Variants in USP9X observed in about 807,000 individuals in gnomAD.
USP9X encodes the protein ubiquitin carboxyl-terminal hydrolase 9X.
Under a neutral mutation model 190.3 loss-of-function variants are expected in USP9X, and 7 were observed. The observed-to-expected ratio is 0.04, with a 90% CI of 0.02 to 0.07. USP9X has a LOEUF of 0.07. Among genes scored for constraint, USP9X ranks in the 10% least tolerant of loss-of-function variants. USP9X has a pLI of 1.00. For synonymous variants in USP9X, 645 were observed against 659.5 expected (o/e 0.98, Z 0.34); for missense variants, 1,010 against 1,916.9 (o/e 0.53, Z 8.83).
At chrX:41,118,523 T>C (rs1343641251) in intron 1 of USP9X, among the ~76,000 whole-genome samples, 1 of 111,878 alleles carries the variant, frequency 8.9e-6, no homozygotes, top group African/African-American at 3.3e-5. Flanking sequence ...TGTTCGTCCT[T>C]GTATTGCTTC....
intron 39 of USP9X, among the ~76,000 whole-genome samples, chrX:41,223,769 ATATATAGTAC>A (rs979747607): frequency 8.9e-6 from 1 of 111,996 alleles, no homozygotes; most frequent in African/African-American, 3.2e-5. Flanking sequence ...GCTGCTGGGC[ATATATAGTAC>A]TAAGAGTCTG....
At chrX:41,200,835 C>T (rs1217421458) in intron 30 of USP9X, among the ~76,000 whole-genome samples, 1 of 111,998 alleles carries the variant, frequency 8.9e-6, no homozygotes, top group African/African-American at 3.2e-5. Context: ...TCATATGAAA[C>T]GGGTTTGCGG....
At chrX:41,110,036 ACT>A (rs1462191042) in intron 1 of USP9X, among the ~76,000 whole-genome samples, 2 of 110,328 alleles carry the variant, frequency 1.8e-5, no homozygotes, top group East Asian at 2.8e-4. Context: ...CATTTAACAC[ACT>A]CTGTCAGAGG....
chrX:41,134,767 A>G lies in USP9X; in HGVS notation c.365A>G (p.Asp122Gly). The G allele has an allele frequency of 4.1e-6, 5 of 1,210,648 alleles. No individual in the cohort carries two copies. Among genetic ancestry groups the G allele is most frequent in the Non-Finnish European group, 5.6e-6 (5 of 894,941 alleles). ...GAAGCATGTCAGCGATTTTTCCGTG[A>G]TGGGCTAACAATATCATTCACTAAA... is the stretch of plus-strand genomic sequence containing the variant. ...KSEACQRFFR[D>G]GLTISFTKIL... Residue 122 changes from aspartate (D) to glycine (G), a missense_variant, in exon 5 of 45, where the codon GAT becomes GGT. Physicochemically the swap from Asp to Gly is moderately conservative, Grantham distance 94. Transcript: ENST00000378308.
intron 1 of USP9X, among the ~76,000 whole-genome samples, chrX:41,112,536 G>T (rs1483583381): frequency 8.9e-6 from 1 of 111,871 alleles, no homozygotes; most frequent in East Asian, 2.8e-4. Context: ...AGCACCTACT[G>T]TTGTGCTTGA....
Position 41,099,096 on chromosome X carries a change from G to GTT in USP9X, c.-159+13012_-159+13013dup, listed in dbSNP as rs34179321. On this transcript the variant is annotated intron_variant, in intron 1 of 44. Coordinates refer to ENST00000378308, the MANE Select transcript of USP9X (RefSeq NM_001039591.3). The stretch of plus-strand genomic sequence containing the variant: ...CACATGCCATAATGCCCAGATAATT[G>GTT]TTTTTTTTTTTTTTTTTTTTTTTTT... 0.011 allele frequency among the ~76,000 whole-genome samples: 482 copies of GTT among 44,255 alleles called. 78 individuals are homozygous for GTT. In the East Asian group the frequency reaches 0.18, roughly 17 times the overall value. 38.4% of individuals were successfully genotyped at this position (44,255 alleles called of 115,157 possible).
At chrX:41,112,683 C>T (rs1268589829) in intron 1 of USP9X, among the ~76,000 whole-genome samples, 1 of 111,881 alleles carries the variant, frequency 8.9e-6, no homozygotes, top group East Asian at 2.8e-4. Flanking sequence ...AATACTGAGA[C>T]CTGTTTCGCC....
intron 12 of USP9X, among the ~76,000 whole-genome samples, chrX:41,150,182 T>C (rs1444395704): frequency 1.8e-5 from 2 of 110,390 alleles, no homozygotes; most frequent in African/African-American, 6.6e-5. Context: ...TCCACAAAAT[T>C]GTTTTCCTTT....
At position 41,162,911 on chromosome X, in the gene USP9X, A is replaced by G. The variant is rs767283220; in HGVS notation, c.1985+34A>G. On this transcript the variant is annotated intron_variant, in intron 15 of 44. Transcript: ENST00000378308. Reference sequence around the variant, plus strand: ...TATACAGTTAGTGTTGCTCTCTTTAAGAAAAAGATAAGGAATACAGAATGA... The same window carrying G: ...TATACAGTTAGTGTTGCTCTCTTTAGGAAAAAGATAAGGAATACAGAATGA... 2.8e-5 allele frequency: 31 copies of G among 1,117,010 alleles called. No homozygotes were observed. The South Asian group carries it at 5.7e-4, about 21-fold the overall frequency. The allele number at this position is 1,117,010 out of a possible 1,213,427, so 92.1% of individuals were successfully genotyped here. A position where few individuals can be genotyped will look rare whatever the true frequency, so the allele number is the denominator to read the frequency against.
intron 44 of USP9X, among the ~76,000 whole-genome samples, chrX:41,231,131 A>C (rs761420821): frequency 1.8e-5 from 2 of 112,061 alleles, no homozygotes; most frequent in Non-Finnish European, 3.8e-5. Context: ...TCTTTCTGAA[A>C]CCAAAATGTG....
At chrX:41,192,892 A>G (rs751453471) in intron 26 of USP9X, among the ~76,000 whole-genome samples, 56 of 111,575 alleles carry the variant, frequency 5.0e-4, no homozygotes, top group African/African-American at 1.7e-3. Context: ...GGGGCTGTGT[A>G]GTACGGGGCA....
At chrX:41,101,726 A>G (rs1271220227) in intron 1 of USP9X, among the ~76,000 whole-genome samples, 4 of 112,767 alleles carry the variant, frequency 3.5e-5, no homozygotes, top group Non-Finnish European at 5.6e-5. Flanking sequence ...ACTTCTTCTC[A>G]GATCTTTCTT....
intron 21 of USP9X, among the ~76,000 whole-genome samples, chrX:41,182,494 GATAC>G (rs746971738): frequency 2.3e-4 from 25 of 109,694 alleles, no homozygotes; most frequent in African/African-American, 7.0e-4. Context: ...GATACTATGA[GATAC>G]AGTGGTTAAG....
chrX:41,159,858 A>G (rs1312474801), intron 14 of USP9X, among the ~76,000 whole-genome samples: 1 of 111,497 alleles, frequency 9.0e-6, no homozygotes, highest in Non-Finnish European at 1.9e-5. Flanking sequence ...CCTCAGACTT[A>G]AGCAGGGAGA....
chrX:41,189,495 G>A lies in USP9X; in HGVS notation c.3977+20G>A, dbSNP rs754275242. The A allele has an allele frequency of 1.7e-6, 2 of 1,158,910 alleles. No homozygotes were observed. Among genetic ancestry groups the A allele is most frequent in the African/African-American group, 3.6e-5 (2 of 55,519 alleles). On this transcript the variant is annotated intron_variant, in intron 26 of 44. Coordinates refer to ENST00000378308, the MANE Select transcript of USP9X (RefSeq NM_001039591.3). ...CAGCAAGTAAGTATCTTTTTTAATT[G>A]TAAGAAACTTACTTTTTGTAAATGG...
Position 41,134,799 on chromosome X carries a change from A to T in USP9X, c.397A>T (p.Thr133Ser). 1 of 1,210,631 alleles carries T rather than the reference A, an allele frequency of 8.3e-7. No homozygotes were observed. The highest frequency in any genetic ancestry group is 1.1e-6 in the Non-Finnish European group (1 of 894,747). Residue 133 changes from threonine to serine, a missense_variant, in exon 5 of 45, where the codon ACA becomes TCA. Around this residue, in one of 11 missense-constraint regions of USP9X, gnomAD observed 176 missense variants for 247.5 expected, o/e 0.71. Coordinates refer to ENST00000378308, the MANE Select transcript of USP9X (RefSeq NM_001039591.3). Reference sequence around the variant, plus strand: ...AACAATATCATTCACTAAAATTCTTACAGATGAAGCAGTGAGTGGCTGGAA... The same window carrying T: ...AACAATATCATTCACTAAAATTCTTTCAGATGAAGCAGTGAGTGGCTGGAA... ...GLTISFTKIL[T>S]DEAVSGWKFE...
chrX:41,220,159 C>T (rs73480468), intron 38 of USP9X, among the ~76,000 whole-genome samples: 1,574 of 111,311 alleles, frequency 0.014, 35 homozygotes, highest in African/African-American at 0.049. Context: ...TCTTCTTTTC[C>T]CTTGTCTTTT....
chrX:41,184,351 TA>T (rs775979043), intron 22 of USP9X, 45 bp from the exon 23 acceptor site: 1 of 1,151,708 alleles, frequency 8.7e-7, no homozygotes, highest in Admixed American at 2.8e-5. Context: ...ATTTTTTTTT[TA>T]AATCTTTTAA....
intron 30 of USP9X, among the ~76,000 whole-genome samples, chrX:41,199,029 C>G (rs1300345181): frequency 9.1e-6 from 1 of 110,202 alleles, no homozygotes; most frequent in African/African-American, 3.3e-5. Flanking sequence ...ACAAAAAATA[C>G]AAAAATTAGC....
Sources: gnomAD v4.1 joint callset for allele counts (sites outside exome capture counted in the v4.1 genomes callset) on GRCh38, gnomAD v4.1.1 for gene constraint, gnomAD v4.1.1 regional missense constraint, MANE v1.5 for transcripts, NCBI Gene and HGNC (gene_info 2026-07-23, HGNC 2026-07-21) for gene names.